The following SCGB2B2 variants were observed in gnomAD, a reference collection of about 807,000 sequenced individuals.
SCGB2B2 encodes the protein secretoglobin-like protein.
SCGB2B2 carries 11 observed loss-of-function variants against 7.6 expected under a neutral mutation model. The ratio of observed to expected loss-of-function variants is 1.45; its 90% CI spans 0.91 to 2.40. The LOEUF (loss-of-function observed/expected upper bound fraction) is 2.40, where lower values mean the gene tolerates loss of function less well. Ranked by LOEUF, SCGB2B2 falls within the 30% of genes most tolerant of loss-of-function variation. The pLI is 0.00. For synonymous variants in SCGB2B2, 50 were observed against 48.6 expected (o/e 1.03, Z -0.12); for missense variants, 104 against 115.4 (o/e 0.90, Z 0.45).
downstream of SCGB2B2, among the ~76,000 whole-genome samples, chr19:34,590,286 C>T (rs1044266549): frequency 3.3e-5 from 5 of 152,176 alleles, no homozygotes; most frequent in African/African-American, 9.7e-5. Flanking sequence ...CATGTCGTGA[C>T]CTGACCTCTC....
At chr19:34,657,242 T>C (rs561450943) in intron 1 of SCGB2B2, among the ~76,000 whole-genome samples, 3 of 151,122 alleles carry the variant, frequency 2.0e-5, no homozygotes, top group Non-Finnish European at 4.4e-5. Context: ...GAAATACATA[T>C]GTATTACCAA....
chr19:34,666,516 G>T (rs2067627128), intron 1 of SCGB2B2, among the ~76,000 whole-genome samples: 1 of 152,122 alleles, frequency 6.6e-6, no homozygotes, highest in Non-Finnish European at 1.5e-5. Context: ...CCACCGGACA[G>T]GAAGGGGGCG....
intron 1 of SCGB2B2, among the ~76,000 whole-genome samples, chr19:34,623,632 C>A (rs1278203235): frequency 6.6e-6 from 1 of 152,170 alleles, no homozygotes; most frequent in Non-Finnish European, 1.5e-5. Context: ...ACCTAAAAGG[C>A]TCCCATGGTA....
chr19:34,666,429 A>G (rs1285552865), intron 1 of SCGB2B2, among the ~76,000 whole-genome samples: 1 of 152,016 alleles, frequency 6.6e-6, no homozygotes, highest in African/African-American at 2.4e-5. Context: ...CCCACATACA[A>G]TGTGACAGGC....
chr19:34,671,454 G>A (rs1435100760), intron 1 of SCGB2B2, among the ~76,000 whole-genome samples: 1 of 144,146 alleles, frequency 6.9e-6, no homozygotes, highest in African/African-American at 2.5e-5. Context: ...TTTTTTTTTT[G>A]CTATTCTAAG....
intron 1 of SCGB2B2, among the ~76,000 whole-genome samples, chr19:34,670,543 T>G (rs2067775540): frequency 6.6e-6 from 1 of 152,238 alleles, no homozygotes; most frequent in Admixed American, 6.5e-5. Flanking sequence ...TCTTCTTTGG[T>G]TAGGTGTCTA....
chr19:34,664,903 A>C (rs1387917699), intron 1 of SCGB2B2, among the ~76,000 whole-genome samples: 1 of 150,080 alleles, frequency 6.7e-6, no homozygotes, highest in Non-Finnish European at 1.5e-5. Flanking sequence ...CCTCCAGGAC[A>C]TGCATTTCTA....
intron 1 of SCGB2B2, among the ~76,000 whole-genome samples, chr19:34,672,948 C>T (rs996634925): frequency 6.6e-6 from 1 of 151,316 alleles, no homozygotes. Flanking sequence ...ACTGGGGATT[C>T]GGTTTCAGCA....
At chr19:34,606,307 G>T (rs912800146) in intron 1 of SCGB2B2, among the ~76,000 whole-genome samples, 9 of 151,880 alleles carry the variant, frequency 5.9e-5, no homozygotes, top group African/African-American at 2.2e-4. Flanking sequence ...ATCATATTTA[G>T]AATTTATAAA....
chr19:34,655,146 C>G (rs1568441405), intron 1 of SCGB2B2, among the ~76,000 whole-genome samples: 1 of 151,238 alleles, frequency 6.6e-6, no homozygotes, highest in East Asian at 1.9e-4. Flanking sequence ...GACCCCTCCT[C>G]TTGGCCAATG....
At position 34,654,903 on chromosome 19, in the gene SCGB2B2, G is replaced by T. The variant is rs369898883; in HGVS notation, c.-2032+20727C>A. Among the ~76,000 whole-genome samples, 8 of 151,102 alleles carry T rather than the reference G, an allele frequency of 5.3e-5. 1 individual carries two copies. The highest frequency in any genetic ancestry group is 2.0e-4 in the African/African-American group (8 of 40,458). On this transcript the variant is annotated intron_variant, in intron 1 of 3. Coordinates refer to ENST00000601241, the MANE Select transcript of SCGB2B2 (RefSeq NM_001025591.4). ...TCAATTAAACCCTCTGCAATGCCAC[G>T]GTCTCCCTGAATTGATTTGTTTGTG... is the stretch of plus-strand genomic sequence containing the variant.
chr19:34,591,174 A>T lies in SCGB2B2; in HGVS notation c.*2381T>A, dbSNP rs1293064765. Among the ~76,000 whole-genome samples, 2 of 152,164 alleles carry T rather than the reference A, an allele frequency of 1.3e-5. No individual in the cohort carries two copies. Among genetic ancestry groups the T allele is most frequent in the Non-Finnish European group, 2.9e-5 (2 of 68,026 alleles). ...TCCCGTCCTCCTGGATAGCTAATGG[A>T]TGTCTTGGATGTGGGAAACTTATCC... On this transcript the variant is annotated 3_prime_UTR_variant, in exon 4 of 4. Transcript: ENST00000601241.
At chr19:34,603,812 T>TA (rs1555744410) in intron 1 of SCGB2B2, among the ~76,000 whole-genome samples, 2 of 145,196 alleles carry the variant, frequency 1.4e-5, no homozygotes, top group Middle Eastern at 3.6e-3. Context: ...TTTTTTTTTT[T>TA]AACAGATAAC....
chr19:34,655,902 GA>G (rs969387567), intron 1 of SCGB2B2, among the ~76,000 whole-genome samples: 1 of 151,112 alleles, frequency 6.6e-6, no homozygotes, highest in African/African-American at 2.5e-5. Flanking sequence ...CTGTAGCCCT[GA>G]AAAAAACCAA....
At chr19:34,613,835 G>A (rs2065999384) in intron 1 of SCGB2B2, among the ~76,000 whole-genome samples, 1 of 152,180 alleles carries the variant, frequency 6.6e-6, no homozygotes, top group Non-Finnish European at 1.5e-5. Flanking sequence ...TGTCCTTAGA[G>A]TTTCTTTTGT....
chr19:34,589,579 G>A (rs11671402), downstream of SCGB2B2, among the ~76,000 whole-genome samples: 49,211 of 152,094 alleles, frequency 0.32, 9,896 homozygotes, highest in Admixed American at 0.47. Flanking sequence ...GATGAACAGA[G>A]TTGGAGGCTG....
At chr19:34,656,181 C>T (rs143345902) in intron 1 of SCGB2B2, among the ~76,000 whole-genome samples, 24 of 151,344 alleles carry the variant, frequency 1.6e-4, no homozygotes, top group Non-Finnish European at 2.1e-4. Context: ...CAGCAACGCA[C>T]GGTAGGTTTC....
At chr19:34,612,699 C>A (rs430621) in intron 1 of SCGB2B2, among the ~76,000 whole-genome samples, 1 of 152,236 alleles carries the variant, frequency 6.6e-6, no homozygotes, top group East Asian at 1.9e-4. Context: ...ATAAATCCAA[C>A]GTTTCTTTGT....
intron 1 of SCGB2B2, among the ~76,000 whole-genome samples, chr19:34,606,517 CTT>C (rs36092902): frequency 2.1e-5 from 3 of 142,996 alleles, no homozygotes. Context: ...TTTTCTTTTT[CTT>C]TTTTTTTTTG....
Sources: allele counts gnomAD v4.1 joint callset (sites outside exome capture counted in the v4.1 genomes callset), GRCh38; gene constraint gnomAD v4.1.1; transcripts MANE v1.5; gene names NCBI Gene and HGNC (gene_info 2026-07-23, HGNC 2026-07-21).